HMCN1: variants seen among roughly 807,000 people sequenced by gnomAD.
HMCN1 encodes the protein hemicentin 1.
Under a neutral mutation model 625.9 loss-of-function variants are expected in HMCN1, and 321 were observed. That is an observed-to-expected ratio of 0.51 (90% CI 0.47 to 0.56). The LOEUF is 0.56. Among genes scored for constraint, HMCN1 ranks in the 20% least tolerant of loss-of-function variants. The pLI is 0.00. For missense variants in HMCN1, 6,588 were observed against 6,887.3 expected, an observed-to-expected ratio of 0.96 and a Z score of 1.54; for synonymous variants, 2,425 against 2,417.6, an observed-to-expected ratio of 1.00 and a Z score of -0.09.
At chr1:186,161,651 A>G (rs1241412409) in intron 97 of HMCN1, among the ~76,000 whole-genome samples, 2 of 152,034 alleles carry the variant, frequency 1.3e-5, no homozygotes, top group African/African-American at 2.4e-5. Flanking sequence ...GCTTGTCTGT[A>G]AAGTGTTTTA....
chr1:186,111,138 G>T (rs12061681), intron 71 of HMCN1, among the ~76,000 whole-genome samples: 1 of 150,152 alleles, frequency 6.7e-6, no homozygotes, highest in African/African-American at 2.5e-5. Context: ...CCACCACCAG[G>T]CCCGGCTACT....
chr1:185,740,937 T>A (rs556849169), intron 1 of HMCN1, among the ~76,000 whole-genome samples: 1 of 152,136 alleles, frequency 6.6e-6, no homozygotes, highest in African/African-American at 2.4e-5. Flanking sequence ...GAGGTTACAG[T>A]GAGCTGAGAT....
chr1:185,887,775 C>T (rs1235019184), intron 4 of HMCN1, among the ~76,000 whole-genome samples: 22 of 138,496 alleles, frequency 1.6e-4, no homozygotes, highest in Non-Finnish European at 1.1e-4. Context: ...CATACGTGTG[C>T]ATGTGTCTTT....
chr1:186,125,474 A>G, intron 81 of HMCN1, 130 bp from the exon 82 acceptor site: 2 of 718,804 alleles, frequency 2.8e-6, no homozygotes, highest in Non-Finnish European at 4.9e-6. Context: ...CAATATCTTA[A>G]TAGATTTTCA....
chr1:186,039,686 C>T (rs1351971407), intron 38 of HMCN1, 42 bp from the exon 39 acceptor site: 3 of 1,586,128 alleles, frequency 1.9e-6, no homozygotes, highest in Non-Finnish European at 2.6e-6. Flanking sequence ...GATCACAAAT[C>T]CTGTGATATT....
chr1:186,125,865 A>C, intron 82 of HMCN1, 71 bp downstream of exon 82: 2 of 1,139,674 alleles, frequency 1.8e-6, no homozygotes, highest in African/African-American at 3.1e-5. Context: ...TTAGTAATTT[A>C]GCATGGAAGT....
In HMCN1 at chr1:186,038,826, C is replaced by T; in HGVS notation, c.5852-3C>T. 2 of 1,586,420 alleles carry T rather than the reference C, an allele frequency of 1.3e-6. No individual in the cohort carries two copies. The highest frequency in any genetic ancestry group is 1.7e-6 in the Non-Finnish European group (2 of 1,154,982). ...AGATCATCTTCTCCCCTTCTTCTTT[C>T]AGTTATTACATGGTACAAAGATAAT... On this transcript the variant is annotated splice_polypyrimidine_tract_variant and splice_region_variant and intron_variant, in intron 37 of 106. Transcript: ENST00000271588.
chr1:185,839,272 A>C (rs1330267007), intron 1 of HMCN1, among the ~76,000 whole-genome samples: 1 of 152,234 alleles, frequency 6.6e-6, no homozygotes. Context: ...AGAGCAATTA[A>C]AACTTTGAAA....
chr1:185,949,755 A>G (rs1668544499), intron 11 of HMCN1, among the ~76,000 whole-genome samples: 1 of 151,874 alleles, frequency 6.6e-6, no homozygotes, highest in African/African-American at 2.4e-5. Context: ...GTATCTGCCT[A>G]GACTAAGAGG....
At chr1:185,981,505 A>G (rs528927301) in intron 17 of HMCN1, among the ~76,000 whole-genome samples, 1 of 152,292 alleles carries the variant, frequency 6.6e-6, no homozygotes, top group East Asian at 1.9e-4. Flanking sequence ...CTTCCCACTG[A>G]CTAAAATACC....
At chr1:185,900,457 C>T (rs191832182) in intron 4 of HMCN1, among the ~76,000 whole-genome samples, 4 of 151,840 alleles carry the variant, frequency 2.6e-5, no homozygotes, top group African/African-American at 7.2e-5. Context: ...GATTTTTGTG[C>T]GTGGTGCCAG....
At chr1:186,108,819 A>G (rs1353112881) in intron 71 of HMCN1, among the ~76,000 whole-genome samples, 1 of 152,196 alleles carries the variant, frequency 6.6e-6, no homozygotes, top group Non-Finnish European at 1.5e-5. Flanking sequence ...AAAGAAAGGT[A>G]TCTAGATTCA....
At chr1:185,781,101 A>G (rs1469592490) in intron 1 of HMCN1, among the ~76,000 whole-genome samples, 1 of 152,170 alleles carries the variant, frequency 6.6e-6, no homozygotes, top group East Asian at 1.9e-4. Flanking sequence ...CCAGGAATGT[A>G]TCCATTTCTT....
At chr1:185,776,613 T>C (rs1037703358) in intron 1 of HMCN1, among the ~76,000 whole-genome samples, 1 of 152,216 alleles carries the variant, frequency 6.6e-6, no homozygotes, top group Non-Finnish European at 1.5e-5. Context: ...ATTAGGTTTC[T>C]GCTGGGGATG....
chr1:185,823,070 A>C (rs1660291474), intron 1 of HMCN1, among the ~76,000 whole-genome samples: 1 of 151,950 alleles, frequency 6.6e-6, no homozygotes, highest in Admixed American at 6.6e-5. Context: ...TTTACATTTT[A>C]CTTTTTTCAG....
chr1:186,139,964 A>G (rs1347540523), intron 89 of HMCN1, among the ~76,000 whole-genome samples: 4 of 152,190 alleles, frequency 2.6e-5, no homozygotes, highest in Non-Finnish European at 4.4e-5. Context: ...TGGCTTTAGT[A>G]CAGTTCATTT....
At chr1:185,914,019 A>G (rs1183888812) in intron 6 of HMCN1, among the ~76,000 whole-genome samples, 1 of 152,136 alleles carries the variant, frequency 6.6e-6, no homozygotes, top group Non-Finnish European at 1.5e-5. Context: ...TTATTATTTT[A>G]TCTTAAATGT....
At chr1:185,823,489 G>T (rs1202045692) in intron 1 of HMCN1, among the ~76,000 whole-genome samples, 1 of 151,888 alleles carries the variant, frequency 6.6e-6, no homozygotes, top group Non-Finnish European at 1.5e-5. Context: ...TGTTATTTTT[G>T]ATTTGGATGT....
chr1:185,910,226 G>A (rs560308718), intron 5 of HMCN1, among the ~76,000 whole-genome samples: 3 of 152,152 alleles, frequency 2.0e-5, no homozygotes. Flanking sequence ...TAGGGAAGGG[G>A]ATAACTGGTT....
Sources: gnomAD v4.1 joint callset for allele counts (sites outside exome capture counted in the v4.1 genomes callset) on GRCh38, gnomAD v4.1.1 for gene constraint, MANE v1.5 for transcripts, NCBI Gene and HGNC (gene_info 2026-07-23, HGNC 2026-07-21) for gene names.